Variants in PDE1C observed in about 807,000 individuals in gnomAD.
PDE1C encodes the protein dual specificity calcium/calmodulin-dependent 3',5'-cyclic nucleotide phosphodiesterase 1C.
In PDE1C, 62 loss-of-function variants were observed where a neutral mutation model predicts 93.1. That is an observed-to-expected ratio of 0.67 (90% CI 0.54 to 0.82). The LOEUF (loss-of-function observed/expected upper bound fraction) is 0.82, where lower values mean the gene tolerates loss of function less well. PDE1C is among the 40% of genes least tolerant of loss of function. The probability of loss-of-function intolerance (pLI) is 0.00; values close to 1 mark genes in which losing one functional copy is unlikely to be tolerated. For missense variants in PDE1C, 742 were observed against 884.6 expected, an observed-to-expected ratio of 0.84 and a Z score of 2.04; for synonymous variants, 325 against 310.1, an observed-to-expected ratio of 1.05 and a Z score of -0.50.
At chr7:32,214,975 T>TTGATGATGATGA (rs143895270) in intron 1 of PDE1C, among the ~76,000 whole-genome samples, 31,573 of 151,152 alleles carry the variant, frequency 0.21, 4,365 homozygotes, top group Admixed American at 0.37. Flanking sequence ...GGGAAGTGAC[T>TTGATGATGATGA]TGATGATGAT....
At chr7:32,007,761 T>C (rs563634271) in intron 2 of PDE1C, among the ~76,000 whole-genome samples, 1 of 152,314 alleles carries the variant, frequency 6.6e-6, no homozygotes, top group South Asian at 2.1e-4. Context: ...TCTACCAGCA[T>C]GGAAACTCAA....
intron 3 of PDE1C, among the ~76,000 whole-genome samples, chr7:32,146,547 T>C (rs1402161476): frequency 1.3e-5 from 2 of 152,148 alleles, no homozygotes; most frequent in African/African-American, 2.4e-5. Flanking sequence ...ATACCTTTGA[T>C]TGTATTAGGT....
intron 3 of PDE1C, among the ~76,000 whole-genome samples, chr7:32,153,275 C>T (rs984351298): frequency 6.6e-6 from 1 of 152,074 alleles, no homozygotes; most frequent in African/African-American, 2.4e-5. Context: ...TATGGCATCT[C>T]GTGGGGTGGG....
At chr7:31,759,594 C>T (rs1432459740) in intron 17 of PDE1C, among the ~76,000 whole-genome samples, 1 of 152,184 alleles carries the variant, frequency 6.6e-6, no homozygotes, top group African/African-American at 2.4e-5. Flanking sequence ...GACAAAGGCA[C>T]ATATCTCAGC....
chr7:32,027,034 A>T (rs914265883), intron 2 of PDE1C, among the ~76,000 whole-genome samples: 2 of 152,188 alleles, frequency 1.3e-5, no homozygotes, highest in East Asian at 3.9e-4. Flanking sequence ...GAATAGGCAG[A>T]GCACAGAGAG....
chr7:31,926,826 C>T (rs1237138885), intron 2 of PDE1C, among the ~76,000 whole-genome samples: 4 of 152,180 alleles, frequency 2.6e-5, no homozygotes, highest in South Asian at 2.1e-4. Flanking sequence ...CATGTGCCTA[C>T]ACCACCAGGA....
rs186571494 is a variant in PDE1C at position 32,164,093 on chromosome 7, C to G, written c.308+5692G>C. 2.3e-4 allele frequency among the ~76,000 whole-genome samples: 35 copies of G among 152,336 alleles called. No individual in the cohort carries two copies. In the East Asian group the frequency reaches 6.2e-3, roughly 27 times the overall value. ...ATTCCAAAGCCCATGTCTCACCACTCTGAAGGTGGTGGTCCTCAGACTATT... is the reference window on the plus strand; with the variant it reads ...ATTCCAAAGCCCATGTCTCACCACTGTGAAGGTGGTGGTCCTCAGACTATT... On this transcript the variant is annotated intron_variant, in intron 3 of 18. Transcript: ENST00000396193.
chr7:32,426,085 G>A (rs1330283376), intron 1 of PDE1C, among the ~76,000 whole-genome samples: 1 of 152,094 alleles, frequency 6.6e-6, no homozygotes, highest in Non-Finnish European at 1.5e-5. Context: ...GGAAGCCCAT[G>A]TTTCATCCTA....
chr7:31,704,726 T>C, the PDE1C span, among the ~76,000 whole-genome samples: 1 of 152,206 alleles, frequency 6.6e-6, no homozygotes, highest in Non-Finnish European at 1.5e-5. Context: ...TCTCCAATTT[T>C]ACGGGTGAAT....
the PDE1C span, among the ~76,000 whole-genome samples, chr7:31,667,962 G>A: frequency 6.6e-6 from 1 of 152,074 alleles, no homozygotes; most frequent in African/African-American, 2.4e-5. Context: ...GATAGGCAAT[G>A]AGGAAGATGG....
intron 1 of PDE1C, among the ~76,000 whole-genome samples, chr7:32,282,964 T>A (rs986013340): frequency 6.6e-6 from 1 of 152,130 alleles, no homozygotes; most frequent in Non-Finnish European, 1.5e-5. Flanking sequence ...ACCTCAAACC[T>A]CACGTGTGGA....
chr7:31,693,121 C>A, the PDE1C span, among the ~76,000 whole-genome samples: 1 of 152,140 alleles, frequency 6.6e-6, no homozygotes, highest in Non-Finnish European at 1.5e-5. Flanking sequence ...CTATGCCTCA[C>A]GTGGTTATGA....
chr7:32,209,992 G>A (rs1308402773), intron 1 of PDE1C, among the ~76,000 whole-genome samples: 2 of 152,194 alleles, frequency 1.3e-5, no homozygotes, highest in Admixed American at 6.5e-5. Flanking sequence ...CAGGAATTTC[G>A]GAAGATAAAT....
chr7:32,072,761 C>A (rs750693400), upstream of PDE1C, among the ~76,000 whole-genome samples: 2 of 152,094 alleles, frequency 1.3e-5, no homozygotes, highest in Non-Finnish European at 2.9e-5. Flanking sequence ...ACTGAAGCAC[C>A]AGGAGGCTTC....
chr7:31,706,543 T>C, the PDE1C span, among the ~76,000 whole-genome samples: 1 of 152,190 alleles, frequency 6.6e-6, no homozygotes. Flanking sequence ...CATTTTGCTC[T>C]GAACCATGTG....
chr7:31,904,370 AT>A (rs1262319716), intron 2 of PDE1C, among the ~76,000 whole-genome samples: 3 of 144,836 alleles, frequency 2.1e-5, no homozygotes, highest in East Asian at 1.9e-4. Context: ...TAAAAAAAAA[AT>A]CTATATACAA....
chr7:31,695,370 C>A, the PDE1C span: 1 of 1,124,612 alleles, frequency 8.9e-7, no homozygotes, highest in Non-Finnish European at 1.3e-6. Flanking sequence ...GCCAAATCAC[C>A]TCTGTCCTGT....
chr7:32,361,331 C>T (rs1446007639), intron 1 of PDE1C, among the ~76,000 whole-genome samples: 3 of 152,172 alleles, frequency 2.0e-5, no homozygotes, highest in Non-Finnish European at 2.9e-5. Context: ...GAATCCCAGC[C>T]CCTTCATCCC....
chr7:31,836,681 G>A (rs1046203662), intron 11 of PDE1C, among the ~76,000 whole-genome samples: 2 of 152,132 alleles, frequency 1.3e-5, no homozygotes, highest in Admixed American at 1.3e-4. Context: ...TTAGGATGGA[G>A]TGAAGTTTAA....
Sources: allele counts gnomAD v4.1 joint callset (sites outside exome capture counted in the v4.1 genomes callset), GRCh38; gene constraint gnomAD v4.1.1; transcripts MANE v1.5; gene names NCBI Gene and HGNC (gene_info 2026-07-23, HGNC 2026-07-21).